EXOC3L1: variants seen among roughly 807,000 people sequenced by gnomAD.
The protein encoded by EXOC3L1 is exocyst complex component 3-like protein.
In EXOC3L1, 79 loss-of-function variants were observed where a neutral mutation model predicts 83.6. The observed-to-expected ratio is 0.95, with a 90% CI of 0.79 to 1.14. The LOEUF is 1.14. Among genes scored for constraint, EXOC3L1 ranks in the 50% most tolerant of loss-of-function variants. The pLI is 0.00. For missense variants in EXOC3L1, 945 were observed against 972.0 expected (o/e 0.97, Z 0.37); for synonymous variants, 433 against 451.2 (o/e 0.96, Z 0.51).
chr16:67,185,000 G>A lies in EXOC3L1; in HGVS notation c.1807C>T (p.Gln603Ter), dbSNP rs1043403885. Residue 603 changes from glutamine to a stop codon, truncating the protein, a stop_gained, in exon 12 of 14, where the codon CAA becomes TAA. Coordinates refer to ENST00000314586, the MANE Select transcript of EXOC3L1 (RefSeq NM_178516.4). LOFTEE classifies it high-confidence loss of function. Reference sequence around the variant, plus strand: ...GCTCCGCGGCACACCAGGCGGCCTTGCATCAGCGCGCTCAGGTACTGGAGC... The same window carrying A: ...GCTCCGCGGCACACCAGGCGGCCTTACATCAGCGCGCTCAGGTACTGGAGC... Reference protein sequence around the residue: ...VVLQYLSALMQGRLVCRGADE... With the variant: ...VVLQYLSALM The A allele has an allele frequency of 6.2e-7, 1 of 1,609,774 alleles. No homozygotes were observed. Among genetic ancestry groups the A allele is most frequent in the South Asian group, 1.1e-5 (1 of 90,806 alleles).
At chr16:67,186,133 G>A (rs1316352604) in intron 9 of EXOC3L1, 104 bp downstream of exon 9, 7 of 785,648 alleles carry the variant, frequency 8.9e-6, no homozygotes, top group South Asian at 1.5e-5. Flanking sequence ...CCAGGGCGAT[G>A]TGAGTCCAAA....
rs775571108 is a variant in EXOC3L1 at position 67,187,412 on chromosome 16, C to T, written c.853G>A (p.Val285Ile). The T allele has an allele frequency of 1.3e-5, 21 of 1,611,770 alleles. No individual in the cohort carries two copies. The highest frequency in any genetic ancestry group is 1.7e-5 in the Non-Finnish European group (20 of 1,179,876). Residue 285 changes from valine (V) to isoleucine (I), a missense_variant, in exon 5 of 14, where the codon GTC (valine) becomes ATC (isoleucine). Val to Ile is a conservative substitution (Grantham distance 29, BLOSUM62 3). Transcript: ENST00000314586. Reference protein sequence around the residue: ...WLEALRVALPVELATAEALVA... With the variant: ...WLEALRVALPIELATAEALVA... ...AGTGCCTCAGCTGTGGCCAACTCGA[C>T]TGGCAGGGCCACTCGCAGAGCCTCC...
Position 67,187,790 on chromosome 16 carries a change from A to G in EXOC3L1, c.475T>C (p.Phe159Leu), listed in dbSNP as rs751516538. Residue 159 changes from phenylalanine (F) to leucine (L), a missense_variant, in exon 5 of 14, where the codon TTC becomes CTC. Coordinates refer to ENST00000314586, the MANE Select transcript of EXOC3L1 (RefSeq NM_178516.4). ...HTQTLIDGQQ[F>L]LEAYVSLREL... ...CGAAGGCTCACATATGCCTCCAAGAACTGTTGGCCATCAATCAGAGTCTGT... is the reference window on the plus strand; with the variant it reads ...CGAAGGCTCACATATGCCTCCAAGAGCTGTTGGCCATCAATCAGAGTCTGT... 5 of 1,610,626 alleles carry G rather than the reference A, an allele frequency of 3.1e-6. No homozygotes were observed. Among genetic ancestry groups the G allele is most frequent in the Non-Finnish European group, 4.2e-6 (5 of 1,178,552 alleles).
Position 67,187,278 on chromosome 16 carries a change from T to A in EXOC3L1, c.987A>T (p.Leu329=). The change falls in exon 5 of 14, where the codon CTA becomes CTT. Residue 329 remains leucine (L), a synonymous_variant. Transcript: ENST00000314586. Reference sequence around the variant, plus strand: ...GCAAGGCGAAGGCATCCGCAGCTTCTAGCTCAGGCCCTGCAAGGAGGTTCT... The same window carrying A: ...GCAAGGCGAAGGCATCCGCAGCTTCAAGCTCAGGCCCTGCAAGGAGGTTCT... ...SLQNLLAGPE[L]EAADAFALLH... The A allele has an allele frequency of 6.2e-7, 1 of 1,612,890 alleles. No homozygotes were observed. The highest frequency in any genetic ancestry group is 8.5e-7 in the Non-Finnish European group (1 of 1,179,840).
rs2032671751 is a variant in EXOC3L1 at position 67,185,379 on chromosome 16, C to G, written c.1608G>C (p.Ala536=). 6.2e-7 allele frequency: 1 copy of G among 1,612,800 alleles called. No individual in the cohort carries two copies. Among genetic ancestry groups the G allele is most frequent in the African/African-American group, 1.3e-5 (1 of 75,062 alleles). ...QRRIYRLVLE[A]LQAELQPLFA... ...GCCTCACCTGGAGCTCCGCCTGCAG[C>G]GCCTCCAACACCAAGCGGTAGATCC... Residue 536 remains alanine (A), a synonymous_variant, in exon 10 of 14, where the codon GCG becomes GCC. Coordinates refer to ENST00000314586, the MANE Select transcript of EXOC3L1 (RefSeq NM_178516.4).
chr16:67,189,595 A>G (rs1407403946), intron 2 of EXOC3L1, 36 bp downstream of exon 2: 4 of 1,613,238 alleles, frequency 2.5e-6, no homozygotes, highest in Non-Finnish European at 2.5e-6. Flanking sequence ...CTTTGTTGCC[A>G]TCATTCCTCC....
At chr16:67,189,727 A>G in intron 1 of EXOC3L1, 44 bp from the exon 2 acceptor site, 1 of 1,590,152 alleles carries the variant, frequency 6.3e-7, no homozygotes, top group African/African-American at 1.3e-5. Flanking sequence ...AAGCAGGCAG[A>G]GTAGATGCCC....
rs762231652 is a variant in EXOC3L1 at position 67,184,960 on chromosome 16, T to G, written c.1847A>C (p.Gln616Pro). 6.2e-7 allele frequency: 1 copy of G among 1,610,722 alleles called. No individual in the cohort carries two copies. The highest frequency in any genetic ancestry group is 8.5e-7 in the Non-Finnish European group (1 of 1,179,236). Residue 616 changes from glutamine to proline, a missense_variant, in exon 12 of 14, where the codon CAG becomes CCG. Transcript: ENST00000314586. ...ATCGTGCCGCAGGCGCTCGGCCGCC[T>G]GGGTCCTCTCGTCGGCTCCGCGGCA... ...LVCRGADERT[Q>P]AAERLRHDAA... is the part of the protein sequence containing the mutation.
Position 67,186,604 on chromosome 16 carries a change from C to T in EXOC3L1, c.1338G>A (p.Gln446=), listed in dbSNP as rs1175596773. Residue 446 remains glutamine (Q), a synonymous_variant, in exon 8 of 14, where the codon CAG becomes CAA. Transcript: ENST00000314586. Reference sequence around the variant, plus strand: ...CTGACAGTGCCATGCCATGCACTCGCTGTTGCAGTGACTCACTGACCAGGC... The same window carrying T: ...CTGACAGTGCCATGCCATGCACTCGTTGTTGCAGTGACTCACTGACCAGGC... ...VASLVSESLQ[Q]RVHGMALSEL... is the part of the protein sequence containing the mutation. 2 of 1,614,032 alleles carry T rather than the reference C, an allele frequency of 1.2e-6. No individual in the cohort carries two copies.
chr16:67,187,392 C>T lies in EXOC3L1; in HGVS notation c.873G>A (p.Glu291=). The part of the protein sequence containing the change: ...VALPVELATA[E]ALVAPCCPPQ... ...GCGGGCAGCAAGGCGCTACTAGTGC[C>T]TCAGCTGTGGCCAACTCGACTGGCA... Residue 291 remains glutamate (E), a synonymous_variant, in exon 5 of 14, where the codon GAG becomes GAA. Transcript: ENST00000314586. 1.9e-6 allele frequency: 3 copies of T among 1,612,596 alleles called. No homozygotes were observed. Among genetic ancestry groups the T allele is most frequent in the Non-Finnish European group, 1.7e-6 (2 of 1,179,958 alleles).
intron 12 of EXOC3L1, 46 bp from the exon 13 acceptor site, chr16:67,184,856 C>A: frequency 6.2e-7 from 1 of 1,609,438 alleles, no homozygotes; most frequent in Non-Finnish European, 8.5e-7. Flanking sequence ...CTCTCCCACC[C>A]AGCCACTGAG....
At chr16:67,186,211 G>T (rs976887090) in intron 9 of EXOC3L1, 26 bp downstream of exon 9, 1 of 1,486,368 alleles carries the variant, frequency 6.7e-7, no homozygotes, top group Non-Finnish European at 9.2e-7. Flanking sequence ...TAGTGAAGGT[G>T]GGGTTCCCTG....
In EXOC3L1 at chr16:67,189,623, G is replaced by A; in HGVS notation, c.46+8C>T. 1 of 1,614,100 alleles carries A rather than the reference G, an allele frequency of 6.2e-7. No individual in the cohort carries two copies. Among genetic ancestry groups the A allele is most frequent in the Non-Finnish European group, 8.5e-7 (1 of 1,179,984 alleles). ...ATTCCTCCCCTAGTCCACCCAAAAG[G>A]TTCATACCAGGGGACAACGCCGGCT... On this transcript the variant is annotated splice_region_variant and intron_variant, in intron 2 of 13. Coordinates refer to ENST00000314586, the MANE Select transcript of EXOC3L1 (RefSeq NM_178516.4).
intron 9 of EXOC3L1, 187 bp from the exon 10 acceptor site, chr16:67,185,677 A>C: frequency 4.9e-6 from 3 of 607,934 alleles, no homozygotes; most frequent in Non-Finnish European, 8.7e-6. Context: ...CGAGCTGCAA[A>C]GGACACAGCC....
rs766305096 is a variant in EXOC3L1, at chr16:67,187,766, G to A, written c.499C>T (p.Arg167Trp). The change falls in exon 5 of 14, where the codon CGG (arginine) becomes TGG (tryptophan). Residue 167 changes from arginine (R) to tryptophan (W), a missense_variant. Transcript: ENST00000314586. ...QQFLEAYVSLRELEQLREDTW... is the reference protein window; with the variant it reads ...QQFLEAYVSLWELEQLREDTW... Reference sequence around the variant, plus strand: ...TCCTCTCGCAGCTGCTCCAGCTCCCGAAGGCTCACATATGCCTCCAAGAAC... The same window carrying A: ...TCCTCTCGCAGCTGCTCCAGCTCCCAAAGGCTCACATATGCCTCCAAGAAC... 9 of 1,612,782 alleles carry A rather than the reference G, an allele frequency of 5.6e-6. No homozygotes were observed. The highest frequency in any genetic ancestry group is 4.5e-5 in the East Asian group (2 of 44,882).
At position 67,186,323 on chromosome 16, in the gene EXOC3L1, G is replaced by T. The variant is rs559375633; in HGVS notation, c.1410C>A (p.Phe470Leu). ...LRSFSDALIR[F>L]SRDHFRGKSM... ...ATTTCCCCCTGAAGTGGTCTCGGGA[G>T]AATCGGATCAGAGCATCACTGAAGC... Residue 470 changes from phenylalanine (F) to leucine (L), a missense_variant, in exon 9 of 14, where the codon TTC (phenylalanine) becomes TTA (leucine). Physicochemically the swap from Phe to Leu is conservative, Grantham distance 22. Coordinates refer to ENST00000314586, the MANE Select transcript of EXOC3L1 (RefSeq NM_178516.4). 1.2e-4 allele frequency: 190 copies of T among 1,566,502 alleles called. 1 individual carries two copies. Among genetic ancestry groups the T allele is most frequent in the Non-Finnish European group, 1.6e-4 (185 of 1,154,768 alleles).
chr16:67,189,568 C>T (rs897433174), intron 2 of EXOC3L1, 63 bp downstream of exon 2: 82 of 1,590,892 alleles, frequency 5.2e-5, no homozygotes, highest in Non-Finnish European at 5.9e-5. Context: ...TGAGCCACTG[C>T]GCCCAGCCAG....
intron 4 of EXOC3L1, among the ~76,000 whole-genome samples, chr16:67,188,256 A>G (rs990226098): frequency 6.6e-6 from 1 of 152,196 alleles, no homozygotes; most frequent in African/African-American, 2.4e-5. Context: ...AAACAAAACA[A>G]AACAAAAAAT....
chr16:67,189,138 C>T lies in EXOC3L1; in HGVS notation c.89G>A (p.Arg30Gln), dbSNP rs200377388. 31 of 1,606,950 alleles carry T rather than the reference C, an allele frequency of 1.9e-5. No individual in the cohort carries two copies. The highest frequency in any genetic ancestry group is 5.5e-5 in the South Asian group (5 of 90,768). Residue 30 changes from arginine to glutamine, a missense_variant, in exon 3 of 14, where the codon CGG (arginine) becomes CAG (glutamine). Transcript: ENST00000314586. ...PEQERAEQLA[R>Q]GAALKWASGI... ...TGAGGCCCACTTGAGCGCTGCACCC[C>T]GGGCCAGCTGCTCTGCCCGCTCCTG...
Sources: gnomAD v4.1 joint callset for allele counts (sites outside exome capture counted in the v4.1 genomes callset) on GRCh38, gnomAD v4.1.1 for gene constraint, MANE v1.5 for transcripts, NCBI Gene and HGNC (gene_info 2026-07-23, HGNC 2026-07-21) for gene names.